LIPA: variants seen among roughly 807,000 people sequenced by gnomAD.
The protein encoded by LIPA is lipase A, lysosomal acid type, also known as lysosomal acid lipase/cholesteryl ester hydrolase.
A neutral mutation model predicts 40.6 loss-of-function variants in LIPA; 26 were observed. The observed-to-expected ratio is 0.64, with a 90% CI of 0.47 to 0.89. The LOEUF is 0.89. LIPA is among the 40% of genes least tolerant of loss of function. The probability of loss-of-function intolerance (pLI) is 0.00; values close to 1 mark genes in which losing one functional copy is unlikely to be tolerated. For missense variants in LIPA, 455 were observed against 479.6 expected, an observed-to-expected ratio of 0.95 and a Z score of 0.48; for synonymous variants, 188 against 168.4, an observed-to-expected ratio of 1.12 and a Z score of -0.90.
At chr10:89,394,577 AATATATATATATATATATATATATATAT>A (rs200060906) in intron 2 of LIPA, among the ~76,000 whole-genome samples, 10 of 108,746 alleles carry the variant, frequency 9.2e-5, no homozygotes, top group South Asian at 5.9e-4. Context: ...ACTACAGGAA[AATATATATATATATATATATATATATAT>A]ATATATATAT....
chr10:89,217,700 C>T (rs1217453857), intron 8 of LIPA, among the ~76,000 whole-genome samples: 1 of 152,150 alleles, frequency 6.6e-6, no homozygotes, highest in Non-Finnish European at 1.5e-5. Context: ...TGGAAATAAG[C>T]TAAAGCCCAA....
intron 2 of LIPA, chr10:89,403,637 T>A: frequency 6.2e-7 from 1 of 1,613,816 alleles, no homozygotes; most frequent in Non-Finnish European, 8.5e-7. Flanking sequence ...GAAATATGAA[T>A]GAAGCCCTGG....
chr10:89,270,039 C>A (rs1280719983), intron 1 of LIPA, among the ~76,000 whole-genome samples: 4 of 152,172 alleles, frequency 2.6e-5, no homozygotes, highest in African/African-American at 9.7e-5. Flanking sequence ...GCAGATGGAC[C>A]TTGGTGAATA....
intron 1 of LIPA, among the ~76,000 whole-genome samples, chr10:89,290,531 A>G (rs1843368040): frequency 6.6e-6 from 1 of 152,230 alleles, no homozygotes; most frequent in Non-Finnish European, 1.5e-5. Flanking sequence ...CTAAGCCAAC[A>G]TATCCCCTGT....
In LIPA at chr10:89,259,829, G is replaced by A. The variant is rs75502043; in HGVS notation, c.-1-12180C>T. 1.5e-3 allele frequency among the ~76,000 whole-genome samples: 236 copies of A among 152,296 alleles called. 2 individuals are homozygous for A. In the East Asian group the frequency reaches 0.024, roughly 15 times the overall value. On this transcript the variant is annotated intron_variant, in intron 1 of 5. Coordinates refer to the LIPA transcript ENST00000282673. ...TCATTTTCATAAAAATATAGAAATTGTAAATTAGTCTACAGTCACAGAAAA... is the reference window on the plus strand; with the variant it reads ...TCATTTTCATAAAAATATAGAAATTATAAATTAGTCTACAGTCACAGAAAA...
chr10:89,287,178 G>A (rs1198227022), intron 1 of LIPA, among the ~76,000 whole-genome samples: 1 of 152,202 alleles, frequency 6.6e-6, no homozygotes, highest in Non-Finnish European at 1.5e-5. Flanking sequence ...GACTGACACT[G>A]CCCGATCACC....
chr10:89,329,778 T>C (rs935985067), intron 1 of LIPA, among the ~76,000 whole-genome samples: 12 of 152,152 alleles, frequency 7.9e-5, no homozygotes, highest in Non-Finnish European at 1.5e-4. Flanking sequence ...TTCATGCAAG[T>C]CCGTGTGAAG....
intron 1 of LIPA, chr10:89,278,258 C>G: frequency 6.6e-6 from 1 of 152,194 alleles, no homozygotes; most frequent in Non-Finnish European, 1.5e-5. Context: ...AAATAAGTCA[C>G]AAGACCAGTG....
At chr10:89,262,426 T>G (rs1843215511) in intron 1 of LIPA, among the ~76,000 whole-genome samples, 1 of 152,202 alleles carries the variant, frequency 6.6e-6, no homozygotes, top group Admixed American at 6.6e-5. Flanking sequence ...TTTCTTTGTC[T>G]CTCTGTACCT....
At chr10:89,267,741 A>T (rs1843245311) in intron 1 of LIPA, among the ~76,000 whole-genome samples, 2 of 136,614 alleles carry the variant, frequency 1.5e-5, no homozygotes, top group South Asian at 4.6e-4. Flanking sequence ...AAAAAAAAAA[A>T]AGAAACTTAA....
At chr10:89,374,979 T>C (rs1279622386) in intron 2 of LIPA, among the ~76,000 whole-genome samples, 3 of 152,232 alleles carry the variant, frequency 2.0e-5, no homozygotes, top group Non-Finnish European at 4.4e-5. Context: ...CACAGTCAGA[T>C]ATGACATGAA....
At chr10:89,352,937 A>G (rs1016919907) in intron 2 of LIPA, among the ~76,000 whole-genome samples, 3 of 152,226 alleles carry the variant, frequency 2.0e-5, no homozygotes, top group African/African-American at 7.2e-5. Context: ...TCACCAGTAC[A>G]GGACAGAAAG....
chr10:89,344,542 T>C (rs1434291565), upstream of LIPA, among the ~76,000 whole-genome samples: 2 of 152,012 alleles, frequency 1.3e-5, no homozygotes, highest in Non-Finnish European at 2.9e-5. Flanking sequence ...AAAAAGTCAT[T>C]GATAATTTCT....
intron 1 of LIPA, among the ~76,000 whole-genome samples, chr10:89,413,419 T>C (rs1057498630): frequency 3.3e-5 from 5 of 152,108 alleles, no homozygotes; most frequent in Non-Finnish European, 5.9e-5. Flanking sequence ...GTGATCAAGG[T>C]AGACAATATT....
intron 1 of LIPA, among the ~76,000 whole-genome samples, chr10:89,328,475 T>C (rs934883991): frequency 1.3e-5 from 2 of 152,170 alleles, no homozygotes; most frequent in South Asian, 4.1e-4. Flanking sequence ...TCTGTTATTG[T>C]CATTTTGTTT....
intron 1 of LIPA, chr10:89,328,190 ATGTCTT>A: frequency 9.2e-7 from 1 of 1,081,556 alleles, no homozygotes; most frequent in East Asian, 2.5e-5. Flanking sequence ...TAGATTCAAT[ATGTCTT>A]TATCAGTCTG....
intron 1 of LIPA, among the ~76,000 whole-genome samples, chr10:89,290,495 AG>A (rs140776264): frequency 0.031 from 4,665 of 152,328 alleles, 233 homozygotes; most frequent in African/African-American, 0.1. Context: ...ATAAGAAGAC[AG>A]GAATGTCAGG....
intron 1 of LIPA, among the ~76,000 whole-genome samples, chr10:89,267,201 A>G (rs1843240866): frequency 6.6e-6 from 1 of 152,200 alleles, no homozygotes; most frequent in Non-Finnish European, 1.5e-5. Context: ...GGAATGATTC[A>G]AAGACAGCTG....
At chr10:89,405,259 T>C (rs754762215) in intron 2 of LIPA, 1 of 152,212 alleles carries the variant, frequency 6.6e-6, no homozygotes, top group Non-Finnish European at 1.5e-5. Flanking sequence ...TTTGCTGATA[T>C]TAATCTAGTT....
Sources: allele counts gnomAD v4.1 joint callset (sites outside exome capture counted in the v4.1 genomes callset), GRCh38; gene constraint gnomAD v4.1.1; transcripts MANE v1.5; gene names NCBI Gene and HGNC (gene_info 2026-07-23, HGNC 2026-07-21).